The following PLEKHA6 variants were observed in gnomAD, a reference collection of about 807,000 sequenced individuals.
PLEKHA6 encodes pleckstrin homology domain containing A6.
PLEKHA6 carries 60 observed loss-of-function variants against 116.7 expected under a neutral mutation model. The observed-to-expected ratio is 0.51, with a 90% CI of 0.42 to 0.64. The LOEUF is 0.64. Ranked by LOEUF, PLEKHA6 falls within the 30% of genes least tolerant of loss-of-function variation. PLEKHA6 has a pLI of 0.00. For synonymous variants in PLEKHA6, 489 were observed against 556.1 expected, an observed-to-expected ratio of 0.88 and a Z score of 1.70; for missense variants, 1,338 against 1,422.7, an observed-to-expected ratio of 0.94 and a Z score of 0.96.
chr1:204,259,443 G>A lies in PLEKHA6; in HGVS notation c.822C>T (p.Tyr274=), dbSNP rs773032528. 6.2e-7 allele frequency: 1 copy of A among 1,614,206 alleles called. No individual in the cohort carries two copies. The highest frequency in any genetic ancestry group is 8.5e-7 in the Non-Finnish European group (1 of 1,180,030). ...TGCTCCCTGGCCGGCTTGGGGAGTG[G>A]TACTGCCAGCCATTGGGCTGGGCAG... ...EQPAQPNGWQ[Y]HSPSRPGSTA... Residue 274 remains tyrosine, a synonymous_variant, in exon 8 of 23, where the codon TAC becomes TAT. Coordinates refer to ENST00000272203, the MANE Select transcript of PLEKHA6 (RefSeq NM_014935.5). The surrounding 1 kb of genome is among the most constrained non-coding windows in gnomAD (Gnocchi z 4.6).
rs113562880 is a variant in PLEKHA6 at position 204,249,793 on chromosome 1, G to A, written c.1594-529C>T. Among the ~76,000 whole-genome samples the A allele has an allele frequency of 6.9e-3, 1,051 of 152,244 alleles. 4 individuals carry two copies. The highest frequency in any genetic ancestry group is 0.02 in the Middle Eastern group (6 of 294). ...GGAAGGATCCTCTCCCAGTCTCACT[G>A]GGCAGATCCACTACCCAAGCAGGGC... On this transcript the variant is annotated intron_variant, in intron 10 of 22. Transcript: ENST00000272203.
intron 1 of PLEKHA6, among the ~76,000 whole-genome samples, chr1:204,359,268 C>T (rs923568346): frequency 1.3e-5 from 2 of 151,982 alleles, no homozygotes; most frequent in Admixed American, 6.6e-5. Context: ...AGGTGAGTCC[C>T]TGGGGCTGAC....
chr1:204,270,955 TA>T (rs1274387854), intron 3 of PLEKHA6, among the ~76,000 whole-genome samples: 1 of 152,194 alleles, frequency 6.6e-6, no homozygotes, highest in Non-Finnish European at 1.5e-5. Context: ...ACTTATGCTT[TA>T]AAGTTTGCTG....
intron 2 of PLEKHA6, chr1:204,368,314 C>A (rs1393757621): frequency 6.6e-6 from 1 of 152,132 alleles, no homozygotes; most frequent in South Asian, 2.1e-4. Flanking sequence ...ACCTAAGATC[C>A]GAGTAAGACT....
intron 1 of PLEKHA6, among the ~76,000 whole-genome samples, chr1:204,310,993 T>A (rs911336071): frequency 6.6e-6 from 1 of 152,176 alleles, no homozygotes; most frequent in African/African-American, 2.4e-5. Flanking sequence ...AAACCCCTTA[T>A]CCTGAGCTGG....
At chr1:204,350,647 C>T (rs1001049864) in intron 1 of PLEKHA6, among the ~76,000 whole-genome samples, 2 of 152,128 alleles carry the variant, frequency 1.3e-5, no homozygotes, top group South Asian at 2.1e-4. Context: ...AAGTTCTCTC[C>T]ATTTTACAGA....
intron 10 of PLEKHA6, among the ~76,000 whole-genome samples, chr1:204,250,103 T>C (rs988844504): frequency 1.3e-5 from 2 of 152,188 alleles, no homozygotes; most frequent in Non-Finnish European, 2.9e-5. Flanking sequence ...ACCTGGCACT[T>C]CCCACTACCC....
chr1:204,375,979 T>C (rs61817878), intron 1 of PLEKHA6, among the ~76,000 whole-genome samples: 14,545 of 147,502 alleles, frequency 0.099, 948 homozygotes, highest in Middle Eastern at 0.14. Context: ...AAGCCCTCAC[T>C]GAACTCCCTG....
chr1:204,283,328 G>T (rs914073222), intron 1 of PLEKHA6, among the ~76,000 whole-genome samples: 1 of 152,164 alleles, frequency 6.6e-6, no homozygotes, highest in African/African-American at 2.4e-5. Flanking sequence ...CAAGCTGTCT[G>T]GTATCTTAGT....
chr1:204,273,536 G>A, intron 3 of PLEKHA6, 90 bp downstream of exon 3: 1 of 900,846 alleles, frequency 1.1e-6, no homozygotes, highest in Non-Finnish European at 1.9e-6. Context: ...AGCTGGACAG[G>A]CTACAATTTC....
intron 1 of PLEKHA6, among the ~76,000 whole-genome samples, chr1:204,374,945 A>AT (rs35630599): frequency 6.6e-6 from 1 of 152,046 alleles, no homozygotes; most frequent in Non-Finnish European, 1.5e-5. Context: ...TCCACTAGGC[A>AT]TTTTTTAGCC....
In PLEKHA6 at chr1:204,228,698, AG is replaced by A. The variant is rs1173672398; in HGVS notation, c.2885+29del. ...GTGTCCTAGGTGCCAGGGTGAGCAG[AG>A]GAAGTAGAGGCTCACCCAGGCTGGT... On this transcript the variant is annotated intron_variant, in intron 20 of 22. Coordinates refer to ENST00000272203, the MANE Select transcript of PLEKHA6 (RefSeq NM_014935.5). The surrounding 1 kb of genome is among the most constrained non-coding windows in gnomAD (Gnocchi z 4.0). The A allele has an allele frequency of 6.2e-7, 1 of 1,608,948 alleles. No individual in the cohort carries two copies. The highest frequency in any genetic ancestry group is 1.1e-5 in the South Asian group (1 of 90,932).
Position 204,241,411 on chromosome 1 carries a change from C to G in PLEKHA6, c.2373G>C (p.Arg791Ser). Residue 791 changes from arginine (R) to serine (S), a missense_variant, in exon 17 of 23, where the codon AGG becomes AGC. This residue lies in a region of PLEKHA6 where 1,136 missense variants were observed against 1,163.6 expected (regional missense o/e 0.98). Transcript: ENST00000272203. The part of the protein sequence containing the change: ...DEVTPSAVVR[R>S]NASGLTNGLS... ...GTCCATTGGTGAGCCCACTGGCATT[C>G]CTTCTTACCACTGCTGATGGGGTCA... The G allele has an allele frequency of 6.2e-7, 1 of 1,612,050 alleles. No individual in the cohort carries two copies. Among genetic ancestry groups the G allele is most frequent in the Non-Finnish European group, 8.5e-7 (1 of 1,179,198 alleles).
intron 1 of PLEKHA6, among the ~76,000 whole-genome samples, chr1:204,326,168 A>G (rs1672236434): frequency 6.6e-6 from 1 of 152,128 alleles, no homozygotes; most frequent in Non-Finnish European, 1.5e-5. Context: ...CTCCAGTTCC[A>G]TGCCCCCTTC....
intron 1 of PLEKHA6, chr1:204,325,759 G>C (rs1672219650): frequency 4.6e-6 from 1 of 217,818 alleles, no homozygotes; most frequent in Admixed American, 6.5e-5. Context: ...AGAGTAGCCT[G>C]TGAACAAACC....
At chr1:204,350,994 A>G (rs1454704300) in intron 1 of PLEKHA6, among the ~76,000 whole-genome samples, 1 of 151,990 alleles carries the variant, frequency 6.6e-6, no homozygotes, top group Non-Finnish European at 1.5e-5. Flanking sequence ...GCCTCTTTTG[A>G]GGCTGACTTC....
intron 1 of PLEKHA6, among the ~76,000 whole-genome samples, chr1:204,317,546 C>G (rs755099688): frequency 6.6e-6 from 1 of 152,028 alleles, no homozygotes; most frequent in Non-Finnish European, 1.5e-5. Flanking sequence ...GGCTAGATCT[C>G]CACCCACCTT....
At chr1:204,278,215 G>C (rs576724663) in intron 1 of PLEKHA6, among the ~76,000 whole-genome samples, 10 of 152,166 alleles carry the variant, frequency 6.6e-5, no homozygotes, top group Non-Finnish European at 1.3e-4. Flanking sequence ...CCATCCCCCT[G>C]CTTCTAGGCA....
chr1:204,332,881 G>A (rs1485424703), intron 1 of PLEKHA6, among the ~76,000 whole-genome samples: 1 of 152,202 alleles, frequency 6.6e-6, no homozygotes, highest in Non-Finnish European at 1.5e-5. Context: ...CTTTCCCTCA[G>A]CCTGCACTTC....
Sources: allele counts gnomAD v4.1 joint callset (sites outside exome capture counted in the v4.1 genomes callset), GRCh38; gene constraint gnomAD v4.1.1; regional missense constraint gnomAD v4.1.1; non-coding constraint Gnocchi (gnomAD v3.1); transcripts MANE v1.5; gene names NCBI Gene and HGNC (gene_info 2026-07-23, HGNC 2026-07-21).